GPHN: variants seen among roughly 807,000 people sequenced by gnomAD.
GPHN encodes the protein gephyrin.
A neutral mutation model predicts 95.5 loss-of-function variants in GPHN; 17 were observed. That is an observed-to-expected ratio of 0.18 (90% CI 0.12 to 0.27). The LOEUF (loss-of-function observed/expected upper bound fraction) is 0.27. Among genes scored for constraint, GPHN ranks in the 10% least tolerant of loss-of-function variants. The pLI is 1.00. For missense variants in GPHN, 660 were observed against 978.1 expected (o/e 0.67, Z 4.34); for synonymous variants, 320 against 322.5 (o/e 0.99, Z 0.08).
In GPHN at chr14:67,033,669, A is replaced by G. The variant is rs181290990; in HGVS notation, c.1006+9994A>G. Among the ~76,000 whole-genome samples, 150 of 152,336 alleles carry G rather than the reference A, an allele frequency of 9.8e-4. 1 individual carries two copies. The Middle Eastern group carries it at 0.017, about 17-fold the overall frequency. On this transcript the variant is annotated intron_variant, in intron 10 of 22. Transcript: ENST00000478722. ...AAGGGACACCAAACTTATTTGAAGA[A>G]ATAATGGTCAAAAACTTCCCAAATT...
intron 10 of GPHN, among the ~76,000 whole-genome samples, chr14:67,057,054 C>T (rs1385653850): frequency 1.3e-5 from 2 of 152,128 alleles, no homozygotes; most frequent in Admixed American, 6.5e-5. Context: ...TTCCCACCCA[C>T]GCCTCTCCCT....
the GPHN span, among the ~76,000 whole-genome samples, chr14:67,521,834 G>C: frequency 6.6e-6 from 1 of 152,218 alleles, no homozygotes; most frequent in Non-Finnish European, 1.5e-5. Flanking sequence ...TTTTAAGTAT[G>C]GGTTTAACTG....
the GPHN span, among the ~76,000 whole-genome samples, chr14:67,429,688 A>G: frequency 1.8e-4 from 28 of 152,176 alleles, no homozygotes; most frequent in Non-Finnish European, 2.6e-4. Context: ...GTGAGTTGAG[A>G]TTGCGCCATT....
chr14:67,352,819 G>C, the GPHN span: 2 of 745,916 alleles, frequency 2.7e-6, no homozygotes, highest in African/African-American at 3.9e-5. Context: ...TTTTACTTTT[G>C]AAAGAAAAAA....
intron 17 of GPHN, among the ~76,000 whole-genome samples, chr14:67,124,546 T>C (rs1321768469): frequency 6.6e-6 from 1 of 152,150 alleles, no homozygotes; most frequent in African/African-American, 2.4e-5. Flanking sequence ...AGATACAGCT[T>C]TTCCAAAGAC....
chr14:67,386,892 G>A, the GPHN span: 9 of 152,684 alleles, frequency 5.9e-5, no homozygotes, highest in Non-Finnish European at 1.2e-4. Flanking sequence ...TACTTGAAAC[G>A]TTGCTCGAAA....
At chr14:67,013,402 A>T (rs546202992) in intron 9 of GPHN, among the ~76,000 whole-genome samples, 3 of 152,152 alleles carry the variant, frequency 2.0e-5, no homozygotes, top group African/African-American at 7.2e-5. Flanking sequence ...ATTTACATAC[A>T]TCTGAAATAA....
the GPHN span, among the ~76,000 whole-genome samples, chr14:67,593,056 G>A: frequency 6.6e-6 from 1 of 152,210 alleles, no homozygotes. Context: ...CAAAGTGCTG[G>A]GATTACAGGC....
At chr14:66,655,951 T>A (rs958161050) in intron 1 of GPHN, among the ~76,000 whole-genome samples, 10 of 152,198 alleles carry the variant, frequency 6.6e-5, no homozygotes, top group African/African-American at 2.4e-4. Flanking sequence ...AAGCACCATT[T>A]AGTCACGATA....
the GPHN span, among the ~76,000 whole-genome samples, chr14:67,716,196 C>CAAAA: frequency 9.2e-6 from 1 of 108,716 alleles, no homozygotes; most frequent in Non-Finnish European, 1.9e-5. Context: ...GACTCCGTCT[C>CAAAA]AAAAAAAAAA....
At chr14:67,481,287 A>G in the GPHN span, among the ~76,000 whole-genome samples, 1 of 152,174 alleles carries the variant, frequency 6.6e-6, no homozygotes, top group African/African-American at 2.4e-5. Flanking sequence ...GTCTCTTAAA[A>G]AAGAAAGAAA....
chr14:66,930,429 T>C (rs2153565875), intron 8 of GPHN, among the ~76,000 whole-genome samples: 1 of 152,154 alleles, frequency 6.6e-6, no homozygotes, highest in East Asian at 1.9e-4. Context: ...AAGAGACAAC[T>C]GATAAAAACT....
intron 5 of GPHN, among the ~76,000 whole-genome samples, chr14:66,896,154 A>G (rs2064838403): frequency 6.6e-6 from 1 of 152,186 alleles, no homozygotes; most frequent in Admixed American, 6.5e-5. Flanking sequence ...TCAACACTTT[A>G]TACTATTGCA....
intron 10 of GPHN, among the ~76,000 whole-genome samples, chr14:67,042,950 C>A (rs888915842): frequency 6.6e-6 from 1 of 152,088 alleles, no homozygotes; most frequent in African/African-American, 2.4e-5. Context: ...CTTTCACATC[C>A]CTTGTAAGTC....
intron 21 of GPHN, among the ~76,000 whole-genome samples, chr14:67,176,727 G>T (rs1306222034): frequency 6.6e-6 from 1 of 152,098 alleles, no homozygotes; most frequent in African/African-American, 2.4e-5. Flanking sequence ...TGGTTGGTAG[G>T]CTATTAATTA....
At position 66,675,593 on chromosome 14, in the gene GPHN, T is replaced by A. The variant is rs570073298; in HGVS notation, c.65-5514T>A. ...CTTTACTCTGTTGATCTTCTTTTTTTGCTCTACAGAAGCTTTTTAGTTTGG... is the reference window on the plus strand; with the variant it reads ...CTTTACTCTGTTGATCTTCTTTTTTAGCTCTACAGAAGCTTTTTAGTTTGG... On this transcript the variant is annotated intron_variant, in intron 1 of 22. Coordinates refer to ENST00000478722, the MANE Select transcript of GPHN (RefSeq NM_020806.5). Among the ~76,000 whole-genome samples, 41 of 152,342 alleles carry A rather than the reference T, an allele frequency of 2.7e-4. No homozygotes were observed. In the South Asian group the frequency reaches 8.3e-3, roughly 31 times the overall value.
chr14:67,558,060 A>G, the GPHN span, among the ~76,000 whole-genome samples: 250 of 152,358 alleles, frequency 1.6e-3, 2 homozygotes, highest in African/African-American at 5.7e-3. Flanking sequence ...GCCACTGCCC[A>G]GCATTTCAGC....
At chr14:66,933,887 CCAGCA>C (rs1453130669) in intron 8 of GPHN, among the ~76,000 whole-genome samples, 4 of 151,998 alleles carry the variant, frequency 2.6e-5, no homozygotes, top group Admixed American at 2.6e-4. Flanking sequence ...GCCTGTAATA[CCAGCA>C]CTTTGGGAGG....
chr14:67,721,495 C>T, the GPHN span, among the ~76,000 whole-genome samples: 5 of 152,258 alleles, frequency 3.3e-5, no homozygotes, highest in Admixed American at 1.3e-4. Flanking sequence ...GATCCCCCTA[C>T]CTTGGGCTCT....
Sources: allele counts gnomAD v4.1 joint callset (sites outside exome capture counted in the v4.1 genomes callset), GRCh38; gene constraint gnomAD v4.1.1; transcripts MANE v1.5; gene names NCBI Gene and HGNC (gene_info 2026-07-23, HGNC 2026-07-21).